The following PPP1R12B variants were observed in gnomAD, a reference collection of about 807,000 sequenced individuals.
PPP1R12B encodes protein phosphatase 1 regulatory subunit 12B, also known as myosin phosphatase target subunit 2.
Under a neutral mutation model 126.1 loss-of-function variants are expected in PPP1R12B, and 76 were observed. The ratio of observed to expected loss-of-function variants is 0.60; its 90% CI spans 0.50 to 0.73. The LOEUF is 0.73. Among genes scored for constraint, PPP1R12B ranks in the 30% least tolerant of loss-of-function variants. The pLI, the probability that PPP1R12B is intolerant of heterozygous loss-of-function variation, is 0.00. For missense variants in PPP1R12B, 1,052 were observed against 1,205.1 expected, an observed-to-expected ratio of 0.87 and a Z score of 1.88; for synonymous variants, 356 against 434.7, an observed-to-expected ratio of 0.82 and a Z score of 2.25.
At chr1:202,430,949 A>C in intron 7 of PPP1R12B, 139 bp downstream of exon 7, 1 of 1,307,576 alleles carries the variant, frequency 7.6e-7, no homozygotes, top group Non-Finnish European at 1.0e-6. Context: ...AACTTGTGGG[A>C]AACTTTGTGG....
At chr1:202,394,573 G>A (rs973317135) in intron 1 of PPP1R12B, among the ~76,000 whole-genome samples, 1 of 151,872 alleles carries the variant, frequency 6.6e-6, no homozygotes, top group African/African-American at 2.4e-5. Flanking sequence ...TGACCAACAT[G>A]GAGAAACCCC....
rs1688005731 is a variant in PPP1R12B, at chr1:202,565,923, C to T, written c.2757+1376C>T. Reference sequence around the variant, plus strand: ...CAAAAAAAAAAAAAAGTCTCATTCACAGTAGACCCTCAAAAGAAATCTGGG... The same window carrying T: ...CAAAAAAAAAAAAAAGTCTCATTCATAGTAGACCCTCAAAAGAAATCTGGG... On this transcript the variant is annotated intron_variant, in intron 21 of 23. Coordinates refer to ENST00000608999, the MANE Select transcript of PPP1R12B (RefSeq NM_002481.4). The surrounding 1 kb of genome is among the most constrained non-coding windows in gnomAD (Gnocchi z 4.3). Among the ~76,000 whole-genome samples the T allele has an allele frequency of 6.6e-6, 1 of 151,528 alleles. No homozygotes were observed. The highest frequency in any genetic ancestry group is 1.9e-4 in the East Asian group (1 of 5,172).
intron 1 of PPP1R12B, among the ~76,000 whole-genome samples, chr1:202,381,867 G>A (rs1173305216): frequency 6.6e-6 from 1 of 152,150 alleles, no homozygotes; most frequent in Non-Finnish European, 1.5e-5. Flanking sequence ...CAAAGGGCTG[G>A]AAGGATCTGT....
intron 1 of PPP1R12B, among the ~76,000 whole-genome samples, chr1:202,405,487 T>C (rs1436170903): frequency 2.6e-5 from 4 of 152,214 alleles, no homozygotes; most frequent in African/African-American, 9.6e-5. Flanking sequence ...GGTCCCTTGT[T>C]AACTCTGGAG....
chr1:202,369,289 C>T (rs1219997243), intron 1 of PPP1R12B, among the ~76,000 whole-genome samples: 1 of 152,170 alleles, frequency 6.6e-6, no homozygotes, highest in Non-Finnish European at 1.5e-5. Flanking sequence ...AAGTTGAACA[C>T]TACGAATTAA....
intron 1 of PPP1R12B, among the ~76,000 whole-genome samples, chr1:202,364,044 G>A (rs2148419190): frequency 6.6e-6 from 1 of 152,238 alleles, no homozygotes; most frequent in Non-Finnish European, 1.5e-5. Context: ...ACAGGTGTGA[G>A]CCACCATGCC....
chr1:202,422,291 G>A (rs4245707), intron 2 of PPP1R12B, among the ~76,000 whole-genome samples: 65,963 of 151,960 alleles, frequency 0.43, 15,676 homozygotes, highest in East Asian at 0.7. Flanking sequence ...ATAAGCTCCA[G>A]TGTGGCACTG....
intron 9 of PPP1R12B, among the ~76,000 whole-genome samples, chr1:202,436,955 T>C (rs1220288614): frequency 6.6e-6 from 1 of 152,058 alleles, no homozygotes. Flanking sequence ...AAATTAGCAG[T>C]TAGAATTTGA....
At position 202,440,730 on chromosome 1, in the gene PPP1R12B, A is replaced by G; in HGVS notation, c.1483A>G (p.Ser495Gly). 6.2e-7 allele frequency: 1 copy of G among 1,613,836 alleles called. No individual in the cohort carries two copies. Among genetic ancestry groups the G allele is most frequent in the East Asian group, 2.2e-5 (1 of 44,862 alleles). ...DKERENKSYI[S>G]SLAPRKLNST... ...GGAGAGAGAAAACAAAAGCTATATT[A>G]GTTCACTAGCACCCCGGAAGCTCAA... The change falls in exon 11 of 24, where the codon AGT becomes GGT. Residue 495 changes from serine (S) to glycine (G), a missense_variant. Coordinates refer to ENST00000608999, the MANE Select transcript of PPP1R12B (RefSeq NM_002481.4).
At chr1:202,498,636 A>G (rs766351558) in intron 18 of PPP1R12B, among the ~76,000 whole-genome samples, 4 of 152,236 alleles carry the variant, frequency 2.6e-5, no homozygotes, top group Non-Finnish European at 5.9e-5. Context: ...ACAGAGCCAC[A>G]TGCCTGGTCA....
chr1:202,355,356 CAGAT>C (rs1020747199), intron 1 of PPP1R12B, among the ~76,000 whole-genome samples: 1 of 152,074 alleles, frequency 6.6e-6, no homozygotes, highest in Non-Finnish European at 1.5e-5. Context: ...GGTTTGGAAA[CAGAT>C]AAATAAAAAA....
At chr1:202,567,507 GAT>G in intron 21 of PPP1R12B, 1 of 437,216 alleles carries the variant, frequency 2.3e-6, no homozygotes, top group Non-Finnish European at 4.1e-6. Context: ...GAGAGAGAGA[GAT>G]TGTGTGTTGT....
intron 18 of PPP1R12B, among the ~76,000 whole-genome samples, chr1:202,525,171 A>C (rs1683187221): frequency 1.3e-5 from 2 of 152,162 alleles, no homozygotes; most frequent in Non-Finnish European, 2.9e-5. Flanking sequence ...GAGCCACCAC[A>C]CGTGGCCAGA....
chr1:202,567,380 C>CTTTTTTTTTTTTTTTTTTTTTT (rs35011066), intron 21 of PPP1R12B: 1 of 147,814 alleles, frequency 6.8e-6, no homozygotes. Context: ...AAAGAAAAGC[C>CTTTTTTTTTTTTTTTTTTTTTT]TTTTTTTTTT....
chr1:202,555,549 A>G (rs529706005), intron 18 of PPP1R12B, among the ~76,000 whole-genome samples: 21 of 152,004 alleles, frequency 1.4e-4, no homozygotes, highest in African/African-American at 4.6e-4. Context: ...ATTGTCAGAA[A>G]GTTAGGCCTC....
intron 13 of PPP1R12B, among the ~76,000 whole-genome samples, chr1:202,451,906 A>C (rs1199974293): frequency 1.3e-5 from 2 of 151,844 alleles, no homozygotes; most frequent in Non-Finnish European, 2.9e-5. Context: ...CTCACTTCCC[A>C]GACGGGGTGG....
chr1:202,490,833 A>C (rs932779644), intron 14 of PPP1R12B, among the ~76,000 whole-genome samples: 8 of 152,204 alleles, frequency 5.3e-5, no homozygotes, highest in South Asian at 2.1e-4. Context: ...TCAGCCTTTT[A>C]TGGATACTGC....
chr1:202,450,011 T>C (rs1350486003), intron 13 of PPP1R12B, among the ~76,000 whole-genome samples: 1 of 152,230 alleles, frequency 6.6e-6, no homozygotes, highest in Non-Finnish European at 1.5e-5. Context: ...AGCATATCTT[T>C]TTTCTGTTTG....
intron 1 of PPP1R12B, among the ~76,000 whole-genome samples, chr1:202,382,438 A>G (rs774035446): frequency 7.2e-4 from 109 of 150,672 alleles, no homozygotes; most frequent in Middle Eastern, 6.8e-3. Context: ...AAATATATAT[A>G]TAAAAGAAAA....
Sources: allele counts gnomAD v4.1 joint callset (sites outside exome capture counted in the v4.1 genomes callset), GRCh38; gene constraint gnomAD v4.1.1; non-coding constraint Gnocchi (gnomAD v3.1); transcripts MANE v1.5; gene names NCBI Gene and HGNC (gene_info 2026-07-23, HGNC 2026-07-21).